HERC4: variants seen among roughly 807,000 people sequenced by gnomAD.
HERC4 encodes probable E3 ubiquitin-protein ligase HERC4.
HERC4 carries 28 observed loss-of-function variants against 124.3 expected under a neutral mutation model. That is an observed-to-expected ratio of 0.23 (90% CI 0.17 to 0.31). The LOEUF (loss-of-function observed/expected upper bound fraction) is 0.31. Among genes scored for constraint, HERC4 ranks in the 10% least tolerant of loss-of-function variants. The pLI is 1.00. For missense variants in HERC4, 713 were observed against 1,229.3 expected (o/e 0.58, Z 6.28); for synonymous variants, 407 against 421.5 (o/e 0.97, Z 0.42).
chr10:67,927,428 A>AT (rs2031228886), intron 23 of HERC4, among the ~76,000 whole-genome samples: 3 of 25,634 alleles, frequency 1.2e-4, no homozygotes, highest in Non-Finnish European at 3.7e-4. Flanking sequence ...ATATATATAT[A>AT]TATTTTTTTT....
chr10:68,067,775 A>G (rs1386274592), intron 3 of HERC4: 2 of 152,250 alleles, frequency 1.3e-5, no homozygotes, highest in Non-Finnish European at 2.9e-5. Flanking sequence ...AATGCTCATC[A>G]TCTTTAAAAA....
chr10:68,020,345 T>C (rs2038535042), intron 8 of HERC4, among the ~76,000 whole-genome samples: 1 of 151,106 alleles, frequency 6.6e-6, no homozygotes, highest in Non-Finnish European at 1.5e-5. Context: ...AAAGGTCAAA[T>C]GGCAGACCTA....
intron 19 of HERC4, among the ~76,000 whole-genome samples, chr10:67,946,898 C>T (rs775504541): frequency 1.3e-5 from 2 of 152,156 alleles, no homozygotes; most frequent in Non-Finnish European, 2.9e-5. Context: ...CAAGGCGAGA[C>T]TCTGTCTCAA....
chr10:67,988,085 G>A (rs1196332173), intron 15 of HERC4: 1 of 152,106 alleles, frequency 6.6e-6, no homozygotes, highest in Non-Finnish European at 1.5e-5. Context: ...AAACAGCTCA[G>A]AGTCTACTTC....
intron 4 of HERC4, among the ~76,000 whole-genome samples, chr10:68,043,066 C>A (rs1242795744): frequency 6.6e-6 from 1 of 152,078 alleles, no homozygotes; most frequent in African/African-American, 2.4e-5. Flanking sequence ...TATTGGACAA[C>A]CCTCATATAA....
intron 3 of HERC4, among the ~76,000 whole-genome samples, chr10:68,065,289 A>C (rs2041245722): frequency 6.6e-6 from 1 of 152,190 alleles, no homozygotes; most frequent in Non-Finnish European, 1.5e-5. Flanking sequence ...AATAGAAAAC[A>C]ATTATGAAAA....
chr10:68,008,466 C>A (rs539545938), intron 9 of HERC4, among the ~76,000 whole-genome samples: 184 of 152,108 alleles, frequency 1.2e-3, no homozygotes, highest in South Asian at 8.9e-3. Flanking sequence ...ATCAGTCTCC[C>A]CAGAAATTTG....
chr10:68,070,603 T>C (rs2041525496), intron 3 of HERC4: 2 of 149,496 alleles, frequency 1.3e-5, no homozygotes, highest in African/African-American at 2.5e-5. Flanking sequence ...CGAAACTCTG[T>C]CTCAAAAAAA....
At chr10:67,951,050 G>C (rs754514543) in intron 19 of HERC4, among the ~76,000 whole-genome samples, 10 of 152,186 alleles carry the variant, frequency 6.6e-5, no homozygotes, top group Non-Finnish European at 1.3e-4. Context: ...CCAAAGAGTA[G>C]AGCCGGCTCC....
chr10:68,046,676 T>C (rs1384683634), intron 3 of HERC4, among the ~76,000 whole-genome samples: 1 of 152,200 alleles, frequency 6.6e-6, no homozygotes. Context: ...ATGTAAATCT[T>C]AAAAGATAGT....
intron 19 of HERC4, among the ~76,000 whole-genome samples, chr10:67,941,671 T>A (rs1378573114): frequency 2.1e-5 from 2 of 97,100 alleles, no homozygotes; most frequent in Admixed American, 1.1e-4. Flanking sequence ...AAACACAACT[T>A]TTTTTTTTTT....
chr10:68,050,184 C>A (rs983041088), intron 3 of HERC4, among the ~76,000 whole-genome samples: 5 of 152,104 alleles, frequency 3.3e-5, no homozygotes, highest in African/African-American at 1.2e-4. Context: ...CAAAGTGAGA[C>A]CCTTTCTCAA....
chr10:68,004,447 G>T (rs1285095064), intron 9 of HERC4, among the ~76,000 whole-genome samples: 1 of 152,176 alleles, frequency 6.6e-6, no homozygotes, highest in Non-Finnish European at 1.5e-5. Flanking sequence ...TGCTTGTGGG[G>T]TATCACTCAA....
chr10:68,055,581 T>C (rs1457594141), intron 3 of HERC4, among the ~76,000 whole-genome samples: 1 of 152,186 alleles, frequency 6.6e-6, no homozygotes, highest in Non-Finnish European at 1.5e-5. Context: ...TTAATCCTCA[T>C]AACACCATGA....
At chr10:67,959,783 G>C (rs2034386341) in intron 16 of HERC4, among the ~76,000 whole-genome samples, 1 of 152,222 alleles carries the variant, frequency 6.6e-6, no homozygotes, top group Non-Finnish European at 1.5e-5. Flanking sequence ...GGCAGTAATA[G>C]TGGAAATTAT....
chr10:67,966,716 A>G lies in HERC4; in HGVS notation c.1893T>C (p.Tyr631=). The change falls in exon 16 of 25, where the codon TAT becomes TAC. Residue 631 remains tyrosine, a synonymous_variant. Transcript: ENST00000373700. ...AGGCCTGCTGTTGGACCCAGTTGAT[A>G]TAATCATTTCTTATGTCTATCAATT... is the stretch of plus-strand genomic sequence containing the variant. ...VQELIDIRND[Y]INWVQQQAYG... 6.2e-7 allele frequency: 1 copy of G among 1,610,106 alleles called. No individual in the cohort carries two copies. The highest frequency in any genetic ancestry group is 8.5e-7 in the Non-Finnish European group (1 of 1,178,222).
intron 15 of HERC4, among the ~76,000 whole-genome samples, chr10:67,974,623 A>G (rs1319784100): frequency 2.0e-5 from 3 of 152,240 alleles, no homozygotes; most frequent in Admixed American, 1.3e-4. Flanking sequence ...ATGGCACTTT[A>G]AAAGGATCGG....
intron 3 of HERC4, among the ~76,000 whole-genome samples, chr10:68,061,696 T>C (rs1042206779): frequency 9.3e-5 from 14 of 151,332 alleles, no homozygotes; most frequent in African/African-American, 2.9e-4. Flanking sequence ...CTGACCAATA[T>C]GGTGAAACCA....
chr10:67,938,156 A>C (rs934444720), intron 21 of HERC4, among the ~76,000 whole-genome samples: 5 of 151,980 alleles, frequency 3.3e-5, no homozygotes, highest in African/African-American at 1.2e-4. Context: ...AAAAAATAAA[A>C]AAGAGGCCAG....
Sources: allele counts gnomAD v4.1 joint callset (sites outside exome capture counted in the v4.1 genomes callset), GRCh38; gene constraint gnomAD v4.1.1; transcripts MANE v1.5; gene names NCBI Gene and HGNC (gene_info 2026-07-23, HGNC 2026-07-21).